Variants in PLXNA4 observed in about 807,000 individuals in gnomAD.
The protein encoded by PLXNA4 is plexin-A4.
A neutral mutation model predicts 191.8 loss-of-function variants in PLXNA4; 44 were observed. That is an observed-to-expected ratio of 0.23 (90% CI 0.18 to 0.29). PLXNA4 has a LOEUF of 0.29. PLXNA4 is among the 10% of genes least tolerant of loss of function. The probability of loss-of-function intolerance (pLI) is 1.00; values close to 1 mark genes in which losing one functional copy is unlikely to be tolerated. For missense variants in PLXNA4, 1,800 were observed against 2,488.8 expected, an observed-to-expected ratio of 0.72 and a Z score of 5.89; for synonymous variants, 1,082 against 1,009.5, an observed-to-expected ratio of 1.07 and a Z score of -1.36.
At chr7:132,425,663 C>T (rs1029930556) in intron 3 of PLXNA4, among the ~76,000 whole-genome samples, 2 of 152,034 alleles carry the variant, frequency 1.3e-5, no homozygotes, top group African/African-American at 4.8e-5. Context: ...GAAAATCATA[C>T]AAGGAGGAAG....
At chr7:132,419,409 C>T (rs568748759) in intron 3 of PLXNA4, among the ~76,000 whole-genome samples, 87 of 152,298 alleles carry the variant, frequency 5.7e-4, no homozygotes, top group African/African-American at 2.0e-3. Context: ...CTAGAAATTT[C>T]CTGGGTTCAC....
At chr7:132,163,471 C>A (rs1437435798) in intron 24 of PLXNA4, among the ~76,000 whole-genome samples, 1 of 152,208 alleles carries the variant, frequency 6.6e-6, no homozygotes, top group African/African-American at 2.4e-5. Flanking sequence ...TAGGAACCTG[C>A]CCCAATTCAC....
At chr7:132,506,727 C>T (rs1160687981) in intron 2 of PLXNA4, among the ~76,000 whole-genome samples, 2 of 152,194 alleles carry the variant, frequency 1.3e-5, no homozygotes, top group South Asian at 4.1e-4. Flanking sequence ...GCCATACCCA[C>T]CAGCCATGCG....
At chr7:132,162,648 CCT>C (rs975168106) in intron 24 of PLXNA4, among the ~76,000 whole-genome samples, 7 of 152,146 alleles carry the variant, frequency 4.6e-5, no homozygotes, top group African/African-American at 1.7e-4. Flanking sequence ...GGGTTTTCCC[CCT>C]CTTTTCCATT....
At position 132,508,220 on chromosome 7, in the gene PLXNA4, G is replaced by A; in HGVS notation, c.474C>T (p.His158=). 6.2e-7 allele frequency: 1 copy of A among 1,614,208 alleles called. No homozygotes were observed. Among genetic ancestry groups the A allele is most frequent in the Non-Finnish European group, 8.5e-7 (1 of 1,180,040 alleles). The change falls in exon 2 of 32, where the codon CAC becomes CAT. Residue 158 remains histidine (H), a synonymous_variant. Coordinates refer to ENST00000321063, the MANE Select transcript of PLXNA4 (RefSeq NM_020911.2). The surrounding 1 kb of genome is among the most constrained non-coding windows in gnomAD (Gnocchi z 4.4). ...CGCTCTCGTTGACACCTGACAGATA[G>A]TGCTCCTTCTTATGATAAGGCTCCC... The part of the protein sequence containing the change: ...KLGEPYHKKE[H]YLSGVNESGS...
intron 1 of PLXNA4, among the ~76,000 whole-genome samples, chr7:132,567,255 C>T (rs1210116652): frequency 6.6e-6 from 1 of 152,186 alleles, no homozygotes; most frequent in African/African-American, 2.4e-5. Context: ...ATTTTATAGA[C>T]TAGTCTTTGG....
intron 3 of PLXNA4, among the ~76,000 whole-genome samples, chr7:132,473,647 G>A (rs1797013500): frequency 6.6e-6 from 1 of 152,126 alleles, no homozygotes; most frequent in Non-Finnish European, 1.5e-5. Context: ...GATAGTGATG[G>A]CAAATAAATA....
chr7:132,505,349 A>T (rs1798421375), intron 2 of PLXNA4, among the ~76,000 whole-genome samples: 1 of 152,206 alleles, frequency 6.6e-6, no homozygotes, highest in Non-Finnish European at 1.5e-5. Flanking sequence ...ACACTTGCCC[A>T]TGGGCAGCCA....
At chr7:132,337,520 C>T (rs185708378) in intron 3 of PLXNA4, among the ~76,000 whole-genome samples, 150 of 152,306 alleles carry the variant, frequency 9.8e-4, no homozygotes, top group African/African-American at 3.2e-3. Flanking sequence ...GTATAAATGC[C>T]ACCAGTAAAG....
rs559000954 is a variant in PLXNA4 at position 132,433,545 on chromosome 7, T to C, written c.1371+55747A>G. The stretch of plus-strand genomic sequence containing the variant: ...AGCATTCATTTCCCTTTGGAGACAG[T>C]AGAAACACCACTGAAAGGAAGAGAG... On this transcript the variant is annotated intron_variant, in intron 3 of 31. Coordinates refer to ENST00000321063, the MANE Select transcript of PLXNA4 (RefSeq NM_020911.2). Among the ~76,000 whole-genome samples, 35 of 152,284 alleles carry C rather than the reference T, an allele frequency of 2.3e-4. No homozygotes were observed. The South Asian group carries it at 6.8e-3, about 30-fold the overall frequency.
intron 1 of PLXNA4, among the ~76,000 whole-genome samples, chr7:132,527,137 G>T (rs192767316): frequency 6.6e-6 from 1 of 152,334 alleles, no homozygotes; most frequent in Admixed American, 6.5e-5. Flanking sequence ...TTATTGGGAA[G>T]ATGCATTCCG....
chr7:132,645,653 T>C (rs1206979114), intron 2 of PLXNA4, among the ~76,000 whole-genome samples: 2 of 152,138 alleles, frequency 1.3e-5, no homozygotes, highest in Non-Finnish European at 2.9e-5. Flanking sequence ...AGTAAAGAAA[T>C]TCAGATGTAG....
At chr7:132,429,915 CTG>C (rs1795196179) in intron 3 of PLXNA4, among the ~76,000 whole-genome samples, 1 of 152,196 alleles carries the variant, frequency 6.6e-6, no homozygotes, top group Admixed American at 6.5e-5. Context: ...CCTCTGACGT[CTG>C]TGAGAACCCA....
At position 132,127,803 on chromosome 7, in the gene PLXNA4, CCTTT is replaced by C. The variant is rs1563044387; in HGVS notation, c.*2672_*2675del. 1 of 152,122 alleles carries C rather than the reference CCTTT, an allele frequency of 6.6e-6. No individual in the cohort carries two copies. The highest frequency in any genetic ancestry group is 1.5e-5 in the Non-Finnish European group (1 of 68,034). 9.4% of individuals were successfully genotyped at this position (152,122 alleles called of 1,614,324 possible). A position where few individuals can be genotyped will look rare whatever the true frequency, so the allele number is the denominator to read the frequency against. On this transcript the variant is annotated 3_prime_UTR_variant, in exon 32 of 32. Coordinates refer to ENST00000321063, the MANE Select transcript of PLXNA4 (RefSeq NM_020911.2). ...GTCCTTGTCTCCTCTTTCTTCCTAA[CCTTT>C]CTATTTCTCTGAGGTGTTTGAAATT...
intron 4 of PLXNA4, among the ~76,000 whole-genome samples, chr7:132,283,460 C>A (rs1033408904): frequency 1.3e-5 from 2 of 152,214 alleles, no homozygotes; most frequent in Non-Finnish European, 2.9e-5. Flanking sequence ...TGAGCATGAG[C>A]AAGCCAAACA....
At chr7:132,381,669 A>T (rs941785742) in intron 3 of PLXNA4, among the ~76,000 whole-genome samples, 12 of 152,244 alleles carry the variant, frequency 7.9e-5, no homozygotes, top group African/African-American at 2.9e-4. Flanking sequence ...TCTACTTCAC[A>T]TACACTCACA....
intron 1 of PLXNA4, among the ~76,000 whole-genome samples, chr7:132,553,182 T>C (rs1307085398): frequency 2.0e-5 from 3 of 152,292 alleles, no homozygotes; most frequent in Admixed American, 2.0e-4. Flanking sequence ...CTGAGATATG[T>C]TTCTGCCAGC....
intron 4 of PLXNA4, among the ~76,000 whole-genome samples, chr7:132,250,908 T>C (rs527954364): frequency 5.3e-5 from 8 of 152,178 alleles, no homozygotes; most frequent in Admixed American, 2.6e-4. Flanking sequence ...CTTGACCCCA[T>C]CTTAAGGTCA....
At chr7:132,178,748 T>TAC (rs55690930) in intron 20 of PLXNA4, among the ~76,000 whole-genome samples, 1,775 of 103,224 alleles carry the variant, frequency 0.017, 64 homozygotes, top group African/African-American at 0.031. Context: ...ATGAAACACA[T>TAC]ACACACACAC....
Sources: allele counts gnomAD v4.1 joint callset (sites outside exome capture counted in the v4.1 genomes callset), GRCh38; gene constraint gnomAD v4.1.1; non-coding constraint Gnocchi (gnomAD v3.1); transcripts MANE v1.5; gene names NCBI Gene and HGNC (gene_info 2026-07-23, HGNC 2026-07-21).